The following FBXW8 variants were observed in gnomAD, a reference collection of about 807,000 sequenced individuals.
The protein encoded by FBXW8 is F-box/WD repeat-containing protein 8.
FBXW8 carries 57 observed loss-of-function variants against 65.3 expected under a neutral mutation model. That is an observed-to-expected ratio of 0.87 (90% CI 0.71 to 1.09). The LOEUF (loss-of-function observed/expected upper bound fraction) is 1.09. Among genes scored for constraint, FBXW8 ranks in the 50% least tolerant of loss-of-function variants. The probability of loss-of-function intolerance (pLI) is 0.00; values close to 1 mark genes in which losing one functional copy is unlikely to be tolerated. For missense variants in FBXW8, 777 were observed against 814.8 expected, an observed-to-expected ratio of 0.95 and a Z score of 0.57; for synonymous variants, 308 against 330.2, an observed-to-expected ratio of 0.93 and a Z score of 0.73.
chr12:117,019,865 G>A (rs1021126411), intron 8 of FBXW8, among the ~76,000 whole-genome samples: 3 of 152,186 alleles, frequency 2.0e-5, no homozygotes, highest in Admixed American at 6.5e-5. Flanking sequence ...TTTCAAGTAC[G>A]TGCTTCCAGA....
intron 1 of FBXW8, among the ~76,000 whole-genome samples, chr12:116,915,277 G>C (rs2137283337): frequency 6.6e-6 from 1 of 152,276 alleles, no homozygotes; most frequent in East Asian, 1.9e-4. Flanking sequence ...ATGTGTTCTG[G>C]TCATAGCTTT....
intron 7 of FBXW8, among the ~76,000 whole-genome samples, chr12:116,991,936 T>A (rs114344497): frequency 0.012 from 1,849 of 152,322 alleles, 34 homozygotes; most frequent in African/African-American, 0.042. Context: ...CTCAGCTGCA[T>A]GAGCATGGAG....
intron 8 of FBXW8, among the ~76,000 whole-genome samples, chr12:117,015,401 GTCC>G (rs532748358): frequency 7.2e-5 from 11 of 152,174 alleles, no homozygotes; most frequent in African/African-American, 2.4e-4. Context: ...GAATCAGAAC[GTCC>G]TCCTTTCTTT....
intron 1 of FBXW8, among the ~76,000 whole-genome samples, chr12:116,924,030 A>G (rs1169346922): frequency 6.6e-6 from 1 of 152,198 alleles, no homozygotes; most frequent in Non-Finnish European, 1.5e-5. Context: ...ACTTTCTCTA[A>G]ATATTGTAGC....
intron 1 of FBXW8, among the ~76,000 whole-genome samples, chr12:116,916,907 T>TGAGA (rs199590139): frequency 7.1e-5 from 7 of 98,644 alleles, no homozygotes; most frequent in African/African-American, 1.9e-4. Flanking sequence ...TGTGTGTGTG[T>TGAGA]GTGTGAGAGA....
In FBXW8 at chr12:117,027,828, C is replaced by T. The variant is rs117998685; in HGVS notation, c.1653-200C>T. Among the ~76,000 whole-genome samples, 42 of 152,354 alleles carry T rather than the reference C, an allele frequency of 2.8e-4. No homozygotes were observed. In the East Asian group the frequency reaches 7.3e-3, roughly 27 times the overall value. On this transcript the variant is annotated intron_variant, in intron 10 of 10. Coordinates refer to ENST00000652555, the MANE Select transcript of FBXW8 (RefSeq NM_153348.3). ...AGTCCTTGCCCTGTGACACTCACTGCGCCCATCGGACTTGTGCACCCCCAC... is the reference window on the plus strand; with the variant it reads ...AGTCCTTGCCCTGTGACACTCACTGTGCCCATCGGACTTGTGCACCCCCAC...
At chr12:117,011,670 G>A (rs141379149) in intron 8 of FBXW8, among the ~76,000 whole-genome samples, 1 of 152,094 alleles carries the variant, frequency 6.6e-6, no homozygotes. Flanking sequence ...CCTCTCCTAG[G>A]ATCTCCACAC....
intron 5 of FBXW8, among the ~76,000 whole-genome samples, chr12:116,976,772 G>A (rs934483783): frequency 2.6e-5 from 4 of 152,002 alleles, no homozygotes; most frequent in African/African-American, 7.3e-5. Flanking sequence ...ATTTTAAAAT[G>A]TCAACATTTA....
intron 2 of FBXW8, among the ~76,000 whole-genome samples, chr12:116,943,274 G>A (rs935091883): frequency 2.6e-5 from 4 of 152,064 alleles, no homozygotes; most frequent in African/African-American, 9.7e-5. Context: ...TTCTTTGCAT[G>A]CTTTTGTAAT....
chr12:117,010,296 G>GC (rs1953771870), intron 7 of FBXW8, 27 bp from the exon 8 acceptor site: 2 of 1,613,964 alleles, frequency 1.2e-6, no homozygotes, highest in African/African-American at 2.7e-5. Context: ...GGAATTGTGG[G>GC]CCCACACATT....
intron 1 of FBXW8, among the ~76,000 whole-genome samples, chr12:116,912,663 CTG>C (rs1439847622): frequency 6.6e-6 from 1 of 151,986 alleles, no homozygotes; most frequent in Admixed American, 6.6e-5. Context: ...TGGGGTTTCA[CTG>C]TGTTAGCCAG....
chr12:116,920,510 G>A (rs2137294109), intron 1 of FBXW8, among the ~76,000 whole-genome samples: 1 of 152,320 alleles, frequency 6.6e-6, no homozygotes, highest in South Asian at 2.1e-4. Flanking sequence ...AAATGTTCTG[G>A]AGAAGAAATA....
chr12:116,955,036 TG>T (rs11375815), intron 4 of FBXW8, among the ~76,000 whole-genome samples: 2,841 of 129,528 alleles, frequency 0.022, 96 homozygotes, highest in African/African-American at 0.072. Context: ...CCTCTTGAAA[TG>T]GGGGGGGGGG....
intron 6 of FBXW8, chr12:116,987,079 C>T (rs1449238525): frequency 6.6e-6 from 1 of 152,248 alleles, no homozygotes; most frequent in African/African-American, 2.4e-5. Context: ...TTTGTCTTGT[C>T]CATATACGCC....
chr12:116,934,078 T>G (rs920858638), intron 2 of FBXW8, among the ~76,000 whole-genome samples: 1 of 152,204 alleles, frequency 6.6e-6, no homozygotes, highest in South Asian at 2.1e-4. Context: ...TGACTAACAG[T>G]AAGAAACTCT....
chr12:116,911,488 A>C, intron 1 of FBXW8, 133 bp downstream of exon 1: 28 of 556,574 alleles, frequency 5.0e-5, no homozygotes, highest in Middle Eastern at 5.3e-4. Flanking sequence ...ACAAACACCA[A>C]TGTTTGTGCT....
chr12:117,023,209 T>C (rs1256625231), intron 8 of FBXW8, among the ~76,000 whole-genome samples: 2 of 152,240 alleles, frequency 1.3e-5, no homozygotes, highest in African/African-American at 4.8e-5. Flanking sequence ...GGGACATGTT[T>C]CAGAGAATCC....
chr12:117,000,640 G>A (rs1156308028), intron 7 of FBXW8, among the ~76,000 whole-genome samples: 1 of 152,198 alleles, frequency 6.6e-6, no homozygotes, highest in Non-Finnish European at 1.5e-5. Flanking sequence ...TAAAGAGTAT[G>A]AGCTTTGATA....
chr12:116,962,417 T>TG (rs779263436), intron 4 of FBXW8, among the ~76,000 whole-genome samples: 1 of 152,186 alleles, frequency 6.6e-6, no homozygotes, highest in Non-Finnish European at 1.5e-5. Context: ...TTCAGGGAGC[T>TG]GGGGGGCTGG....
Sources: gnomAD v4.1 joint callset for allele counts (sites outside exome capture counted in the v4.1 genomes callset) on GRCh38, gnomAD v4.1.1 for gene constraint, MANE v1.5 for transcripts, NCBI Gene and HGNC (gene_info 2026-07-23, HGNC 2026-07-21) for gene names.